Variants in CNTNAP2 observed in about 807,000 individuals in gnomAD.
CNTNAP2 encodes the protein contactin associated protein 2.
Under a neutral mutation model 155.2 loss-of-function variants are expected in CNTNAP2, and 98 were observed. That is an observed-to-expected ratio of 0.63 (90% CI 0.54 to 0.75). The LOEUF (loss-of-function observed/expected upper bound fraction) is 0.75. Among genes scored for constraint, CNTNAP2 ranks in the 30% least tolerant of loss-of-function variants. CNTNAP2 has a pLI of 0.00. For missense variants in CNTNAP2, 1,727 were observed against 1,688.1 expected (o/e 1.02, Z -0.40); for synonymous variants, 651 against 631.2 (o/e 1.03, Z -0.47).
intron 14 of CNTNAP2, among the ~76,000 whole-genome samples, chr7:147,954,329 G>A (rs1254500056): frequency 6.6e-6 from 1 of 151,964 alleles, no homozygotes; most frequent in African/African-American, 2.4e-5. Flanking sequence ...GTTATTGCAG[G>A]AAGCAGCTCA....
intron 10 of CNTNAP2, among the ~76,000 whole-genome samples, chr7:147,472,482 G>A (rs910982778): frequency 6.6e-6 from 1 of 151,980 alleles, no homozygotes; most frequent in Non-Finnish European, 1.5e-5. Context: ...CAAAGTTCTG[G>A]GATTACAGGC....
chr7:147,763,714 C>G (rs927278763), intron 13 of CNTNAP2, among the ~76,000 whole-genome samples: 8 of 152,136 alleles, frequency 5.3e-5, no homozygotes, highest in African/African-American at 1.9e-4. Flanking sequence ...TCAGTAGTTT[C>G]CTGGGGCATG....
chr7:147,894,658 G>T (rs1348315663), intron 13 of CNTNAP2, among the ~76,000 whole-genome samples: 1 of 152,052 alleles, frequency 6.6e-6, no homozygotes, highest in African/African-American at 2.4e-5. Flanking sequence ...ATATACCCTT[G>T]TGGTGTTGTT....
chr7:147,018,258 G>A (rs996844351), intron 3 of CNTNAP2, among the ~76,000 whole-genome samples: 2 of 152,018 alleles, frequency 1.3e-5, no homozygotes, highest in Non-Finnish European at 2.9e-5. Flanking sequence ...TTTTCAGTCT[G>A]ATAGAGAGCT....
At chr7:147,398,589 CTTT>C (rs58507416) in intron 10 of CNTNAP2, among the ~76,000 whole-genome samples, 9 of 87,716 alleles carry the variant, frequency 1.0e-4, no homozygotes, top group Admixed American at 2.8e-4. Flanking sequence ...ACGATTTGAA[CTTT>C]TTTTTTTTTT....
intron 13 of CNTNAP2, among the ~76,000 whole-genome samples, chr7:147,770,411 C>T (rs1343482242): frequency 6.6e-6 from 1 of 151,980 alleles, no homozygotes; most frequent in African/African-American, 2.4e-5. Context: ...ATAAGATAAA[C>T]AAGGATTTTT....
intron 9 of CNTNAP2, among the ~76,000 whole-genome samples, chr7:147,368,020 C>CA (rs1796268466): frequency 1.1e-5 from 1 of 87,286 alleles, no homozygotes; most frequent in Non-Finnish European, 2.3e-5. Context: ...CTCTCCCCCC[C>CA]CTCCCCCTCC....
chr7:148,267,049 C>T lies in CNTNAP2; in HGVS notation c.3398C>T (p.Ser1133Phe). The T allele has an allele frequency of 6.2e-7, 1 of 1,614,184 alleles. No homozygotes were observed. The highest frequency in any genetic ancestry group is 1.1e-5 in the South Asian group (1 of 91,080). ...TIFLKLDHYP[S>F]VSYHLPSSSD... ...CTCCTGCAGCTCGATCATTATCCTT[C>T]TGTGAGTTACCATCTGCCAAGTTCA... Residue 1133 changes from serine to phenylalanine, a missense_variant, in exon 21 of 24, where the codon TCT becomes TTT. Coordinates refer to ENST00000361727, the MANE Select transcript of CNTNAP2 (RefSeq NM_014141.6).
At chr7:147,112,168 C>T (rs775187805) in intron 5 of CNTNAP2, among the ~76,000 whole-genome samples, 1 of 152,036 alleles carries the variant, frequency 6.6e-6, no homozygotes, top group South Asian at 2.1e-4. Flanking sequence ...TAATTTGACT[C>T]TCTGATTGCT....
intron 1 of CNTNAP2, among the ~76,000 whole-genome samples, chr7:146,605,298 T>C (rs1208445842): frequency 6.6e-6 from 1 of 151,264 alleles, no homozygotes; most frequent in Non-Finnish European, 1.5e-5. Flanking sequence ...TATTATCAGA[T>C]GATTGATATT....
At chr7:147,560,962 A>T (rs2116786544) in intron 11 of CNTNAP2, among the ~76,000 whole-genome samples, 1 of 151,718 alleles carries the variant, frequency 6.6e-6, no homozygotes, top group Admixed American at 6.6e-5. Flanking sequence ...TGACTTTCTG[A>T]TTCCAACCAG....
intron 3 of CNTNAP2, among the ~76,000 whole-genome samples, chr7:146,986,333 C>G (rs1798114108): frequency 6.6e-6 from 1 of 152,166 alleles, no homozygotes; most frequent in Admixed American, 6.5e-5. Context: ...GCCATTAATT[C>G]ATTCCTTTTT....
chr7:146,873,509 T>C (rs1562981931), intron 3 of CNTNAP2, among the ~76,000 whole-genome samples: 1 of 151,958 alleles, frequency 6.6e-6, no homozygotes, highest in Non-Finnish European at 1.5e-5. Context: ...GCTTAGAGGG[T>C]GAAAGTGTAG....
chr7:146,949,780 C>T (rs1797272426), intron 3 of CNTNAP2, among the ~76,000 whole-genome samples: 1 of 152,066 alleles, frequency 6.6e-6, no homozygotes, highest in African/African-American at 2.4e-5. Context: ...ACTTACAGAC[C>T]TGATCCAGGA....
intron 3 of CNTNAP2, among the ~76,000 whole-genome samples, chr7:146,912,420 C>T (rs929683806): frequency 2.0e-5 from 3 of 151,910 alleles, no homozygotes; most frequent in Admixed American, 1.3e-4. Context: ...CATTTTTTAT[C>T]CATAATAAGA....
chr7:147,876,799 AC>A (rs2116708884), intron 13 of CNTNAP2, among the ~76,000 whole-genome samples: 1 of 152,238 alleles, frequency 6.6e-6, no homozygotes, highest in South Asian at 2.1e-4. Flanking sequence ...GCCTGAGACC[AC>A]CAGGAGCACA....
chr7:146,911,714 A>C (rs1243630153), intron 3 of CNTNAP2, among the ~76,000 whole-genome samples: 1 of 151,432 alleles, frequency 6.6e-6, no homozygotes. Flanking sequence ...CTAGATGACA[A>C]GTTAGTGGGT....
At chr7:146,610,433 A>C (rs1457578530) in intron 1 of CNTNAP2, among the ~76,000 whole-genome samples, 1 of 152,124 alleles carries the variant, frequency 6.6e-6, no homozygotes, top group South Asian at 2.1e-4. Flanking sequence ...TGTGTGTGCA[A>C]ATTTGGAGTG....
At chr7:146,603,393 C>T (rs1798984158) in intron 1 of CNTNAP2, among the ~76,000 whole-genome samples, 1 of 148,476 alleles carries the variant, frequency 6.7e-6, no homozygotes, top group Non-Finnish European at 1.5e-5. Flanking sequence ...GCCTGGGGGA[C>T]AGAGTGAGAC....
Sources: gnomAD v4.1 joint callset for allele counts (sites outside exome capture counted in the v4.1 genomes callset) on GRCh38, gnomAD v4.1.1 for gene constraint, MANE v1.5 for transcripts, NCBI Gene and HGNC (gene_info 2026-07-23, HGNC 2026-07-21) for gene names.